The following GALNTL6 variants were observed in gnomAD, a reference collection of about 807,000 sequenced individuals.
The protein encoded by GALNTL6 is polypeptide N-acetylgalactosaminyltransferase like 6.
GALNTL6 carries 46 observed loss-of-function variants against 73.7 expected under a neutral mutation model. The observed-to-expected ratio is 0.62, with a 90% CI of 0.49 to 0.80. The LOEUF (loss-of-function observed/expected upper bound fraction) is 0.80, where lower values mean the gene tolerates loss of function less well. Among genes scored for constraint, GALNTL6 ranks in the 30% least tolerant of loss-of-function variants. The pLI is 0.00. For missense variants in GALNTL6, 604 were observed against 755.0 expected (o/e 0.80, Z 2.34); for synonymous variants, 259 against 263.7 (o/e 0.98, Z 0.17).
chr4:172,273,928 A>G (rs1009763668), intron 3 of GALNTL6, among the ~76,000 whole-genome samples: 9 of 152,312 alleles, frequency 5.9e-5, no homozygotes, highest in African/African-American at 2.2e-4. Context: ...AGCAGTCAGG[A>G]GACTGTACAC....
At chr4:172,324,032 C>T (rs1265057291) in intron 4 of GALNTL6, among the ~76,000 whole-genome samples, 1 of 151,818 alleles carries the variant, frequency 6.6e-6, no homozygotes, top group East Asian at 1.9e-4. Context: ...AGACTATGAG[C>T]CATAAAGGAA....
At chr4:172,976,142 C>T (rs1013827029) in intron 10 of GALNTL6, among the ~76,000 whole-genome samples, 1 of 152,118 alleles carries the variant, frequency 6.6e-6, no homozygotes, top group Non-Finnish European at 1.5e-5. Flanking sequence ...GACACCTCTG[C>T]CATCACTGGT....
chr4:172,553,718 A>G (rs1293219909), intron 5 of GALNTL6, among the ~76,000 whole-genome samples: 1 of 152,160 alleles, frequency 6.6e-6, no homozygotes, highest in Non-Finnish European at 1.5e-5. Flanking sequence ...GAGACTTTGC[A>G]ACATATCTCT....
At chr4:171,845,420 C>T (rs780885356) in intron 2 of GALNTL6, among the ~76,000 whole-genome samples, 2 of 152,236 alleles carry the variant, frequency 1.3e-5, no homozygotes, top group Non-Finnish European at 2.9e-5. Context: ...GTGTTAATAT[C>T]AATGTAAAAT....
At chr4:172,849,127 T>C (rs1395090943) in intron 7 of GALNTL6, among the ~76,000 whole-genome samples, 1 of 152,164 alleles carries the variant, frequency 6.6e-6, no homozygotes, top group African/African-American at 2.4e-5. Context: ...CTTGTCCCTA[T>C]CTTAGTTTAT....
intron 12 of GALNTL6, among the ~76,000 whole-genome samples, chr4:173,023,076 C>T (rs759932636): frequency 6.6e-6 from 1 of 152,104 alleles, no homozygotes; most frequent in Non-Finnish European, 1.5e-5. Flanking sequence ...AATGGAATAT[C>T]CCCCACTTTA....
chr4:172,379,987 C>A, intron 5 of GALNTL6: 1 of 836,952 alleles, frequency 1.2e-6, no homozygotes, highest in Non-Finnish European at 2.0e-6. Flanking sequence ...GAAGTCTTGG[C>A]AGAACAGGAG....
At chr4:171,858,563 C>T (rs1735749399) in intron 2 of GALNTL6, among the ~76,000 whole-genome samples, 1 of 150,088 alleles carries the variant, frequency 6.7e-6, no homozygotes, top group Non-Finnish European at 1.5e-5. Context: ...TTTAATTGCT[C>T]AAGTACTCAT....
At chr4:172,377,926 A>G (rs1282670978) in intron 5 of GALNTL6, among the ~76,000 whole-genome samples, 2 of 143,460 alleles carry the variant, frequency 1.4e-5, no homozygotes, top group Non-Finnish European at 3.1e-5. Flanking sequence ...CTCTTCCTCC[A>G]CACCTCCCCA....
At chr4:172,664,647 G>C (rs1271562716) in intron 5 of GALNTL6, among the ~76,000 whole-genome samples, 1 of 152,132 alleles carries the variant, frequency 6.6e-6, no homozygotes, top group African/African-American at 2.4e-5. Context: ...ATTCATACTT[G>C]CTGCAAGAGT....
intron 11 of GALNTL6, among the ~76,000 whole-genome samples, chr4:173,012,347 C>A (rs1162033305): frequency 6.6e-6 from 1 of 152,174 alleles, no homozygotes; most frequent in Non-Finnish European, 1.5e-5. Flanking sequence ...CACCTCACTG[C>A]CCCTCCCTGC....
intron 10 of GALNTL6, among the ~76,000 whole-genome samples, chr4:172,988,785 T>C (rs1183833249): frequency 6.6e-6 from 1 of 152,258 alleles, no homozygotes; most frequent in African/African-American, 2.4e-5. Flanking sequence ...CAGATAGGTC[T>C]CAGGCCACTG....
chr4:172,053,455 T>C (rs1730935621), intron 2 of GALNTL6, among the ~76,000 whole-genome samples: 1 of 152,168 alleles, frequency 6.6e-6, no homozygotes. Context: ...GAAAGCTGCT[T>C]CCTTTAGTGC....
At chr4:172,498,741 A>G (rs1365937582) in intron 5 of GALNTL6, among the ~76,000 whole-genome samples, 1 of 152,142 alleles carries the variant, frequency 6.6e-6, no homozygotes, top group African/African-American at 2.4e-5. Flanking sequence ...GCATTTTTAG[A>G]GCTTAGTTCT....
At chr4:173,014,906 T>C (rs933475480) in intron 11 of GALNTL6, among the ~76,000 whole-genome samples, 5 of 152,142 alleles carry the variant, frequency 3.3e-5, no homozygotes, top group African/African-American at 4.8e-5. Context: ...CCAAATCTCA[T>C]CTTGAATTGT....
At chr4:172,201,068 C>T (rs534552659) in intron 2 of GALNTL6, among the ~76,000 whole-genome samples, 9 of 152,008 alleles carry the variant, frequency 5.9e-5, no homozygotes, top group Middle Eastern at 3.4e-3. Flanking sequence ...CCCTTAAAAA[C>T]GATACATAAG....
At chr4:172,756,223 C>T (rs1287347068) in intron 5 of GALNTL6, among the ~76,000 whole-genome samples, 1 of 152,136 alleles carries the variant, frequency 6.6e-6, no homozygotes, top group Non-Finnish European at 1.5e-5. Context: ...AAAACAATCA[C>T]AGAAGTTCAT....
chr4:172,223,950 T>C (rs1381031517), intron 2 of GALNTL6, among the ~76,000 whole-genome samples: 1 of 152,162 alleles, frequency 6.6e-6, no homozygotes, highest in African/African-American at 2.4e-5. Context: ...ATATAAAAAG[T>C]TAATCATGCC....
chr4:172,028,583 A>C (rs1741666749), intron 2 of GALNTL6, among the ~76,000 whole-genome samples: 1 of 152,038 alleles, frequency 6.6e-6, no homozygotes. Context: ...TTGTTATGAA[A>C]TTGCTAAAAA....
Sources: gnomAD v4.1 joint callset for allele counts (sites outside exome capture counted in the v4.1 genomes callset) on GRCh38, gnomAD v4.1.1 for gene constraint, MANE v1.5 for transcripts, NCBI Gene and HGNC (gene_info 2026-07-23, HGNC 2026-07-21) for gene names.